Variants in ATP2C1 observed in about 807,000 individuals in gnomAD.
ATP2C1 encodes ATPase secretory pathway Ca2+ transporting 1, also known as calcium-transporting ATPase type 2C member 1.
A neutral mutation model predicts 120.5 loss-of-function variants in ATP2C1; 31 were observed. That is an observed-to-expected ratio of 0.26 (90% CI 0.19 to 0.35). The LOEUF is 0.35. Ranked by LOEUF, ATP2C1 falls within the 10% of genes least tolerant of loss-of-function variation. ATP2C1 has a pLI of 1.00. For missense variants in ATP2C1, 731 were observed against 1,107.5 expected (o/e 0.66, Z 4.83); for synonymous variants, 351 against 358.7 (o/e 0.98, Z 0.24).
intron 17 of ATP2C1, among the ~76,000 whole-genome samples, chr3:130,969,709 A>G (rs1229725798): frequency 6.6e-6 from 1 of 152,168 alleles, no homozygotes; most frequent in African/African-American, 2.4e-5. Flanking sequence ...CTTCTTCATG[A>G]CAGTTCCTTA....
At chr3:130,963,862 T>C (rs1486311591) in intron 12 of ATP2C1, 109 bp from the exon 13 acceptor site, 15 of 1,332,306 alleles carry the variant, frequency 1.1e-5, no homozygotes, top group Non-Finnish European at 1.6e-5. Context: ...TTTTAGGTAT[T>C]GACTATATTA....
intron 26 of ATP2C1, among the ~76,000 whole-genome samples, chr3:131,012,681 TGGTTGTTAGTAA>T (rs1402758340): frequency 2.0e-5 from 3 of 152,200 alleles, no homozygotes; most frequent in African/African-American, 7.2e-5. Flanking sequence ...TCTTTGGAGA[TGGTTGTTAGTAA>T]GGTTATAAAA....
chr3:130,911,716 A>C lies in ATP2C1; in HGVS notation c.6+16941A>C, dbSNP rs1459261320. On this transcript the variant is annotated intron_variant, in intron 2 of 27. Transcript: ENST00000510168. ...GATTCAGTGCCATCCCCATCAAGCT[A>C]CCGATGACTTTCTTCACAGAATTGG... 2.6e-5 allele frequency among the ~76,000 whole-genome samples: 4 copies of C among 152,166 alleles called. No individual in the cohort carries two copies. The East Asian group carries it at 5.8e-4, about 22-fold the overall frequency.
downstream of ATP2C1, chr3:131,003,199 T>C (rs1560041130): frequency 2.1e-6 from 2 of 966,752 alleles, no homozygotes; most frequent in Admixed American, 1.2e-4. Flanking sequence ...ATATGGATGC[T>C]GAAGATACAG....
rs536826701 is a variant in ATP2C1 at position 130,919,234 on chromosome 3, T to C, written c.7-11182T>C. The C allele has an allele frequency of 9.4e-4, 162 of 172,828 alleles. 3 individuals are homozygous for C. The highest frequency in any genetic ancestry group is 1.6e-3 in the African/African-American group (68 of 41,584). The allele number at this position is 172,828 out of a possible 1,614,324, so 10.7% of individuals were successfully genotyped here. On this transcript the variant is annotated intron_variant, in intron 2 of 27. Coordinates refer to ENST00000510168, the MANE Select transcript of ATP2C1 (RefSeq NM_001378687.1). ...TTAGAATTTCTTTCTTTCTTTCTTT[T>C]TTTTTTATTGAGAGAGTTTTGCTCT...
chr3:130,979,334 G>A lies in ATP2C1; in HGVS notation c.1656G>A (p.Val552=). ...TCATTGATCCACCTAGAACTGGTGTGAAAGAAGCTGTTACAACACTCATTG... is the reference window on the plus strand; with the variant it reads ...TCATTGATCCACCTAGAACTGGTGTAAAAGAAGCTGTTACAACACTCATTG... ...VGIIDPPRTG[V]KEAVTTLIAS... The change falls in exon 19 of 28, where the codon GTG becomes GTA. Residue 552 remains valine (V), a synonymous_variant. Transcript: ENST00000510168. 1.2e-6 allele frequency: 2 copies of A among 1,613,670 alleles called. No individual in the cohort carries two copies.
chr3:130,978,598 A>G (rs1272167327), intron 18 of ATP2C1, among the ~76,000 whole-genome samples: 2 of 152,242 alleles, frequency 1.3e-5, no homozygotes, highest in African/African-American at 4.8e-5. Flanking sequence ...CGTTATTTAC[A>G]TACTCTTAGA....
chr3:130,875,975 T>C (rs2068590215), intron 1 of ATP2C1, among the ~76,000 whole-genome samples: 1 of 152,064 alleles, frequency 6.6e-6, no homozygotes, highest in Non-Finnish European at 1.5e-5. Flanking sequence ...TGAGTTTTTT[T>C]TGGAGTTATT....
In ATP2C1 at chr3:130,918,287, T is replaced by A. The variant is rs1056034851; in HGVS notation, c.7-12129T>A. On this transcript the variant is annotated intron_variant, in intron 2 of 27. Coordinates refer to ENST00000510168, the MANE Select transcript of ATP2C1 (RefSeq NM_001378687.1). ...TCCCTTGGGCCCAAAGTTCTTTGCA[T>A]AGCACCCTTTACAATAGATTTCACC... is the stretch of plus-strand genomic sequence containing the variant. The A allele has an allele frequency of 1.9e-6, 3 of 1,551,398 alleles. No individual in the cohort carries two copies. In the African/African-American group the frequency reaches 4.1e-5, roughly 21 times the overall value.
intron 2 of ATP2C1, among the ~76,000 whole-genome samples, chr3:130,923,599 G>A (rs927989632): frequency 1.3e-5 from 2 of 151,954 alleles, no homozygotes; most frequent in Admixed American, 1.3e-4. Context: ...CGGAAGTGGT[G>A]GCTCACACCT....
Position 130,894,578 on chromosome 3 carries a change from T to G in ATP2C1, c.-180-12T>G. The G allele has an allele frequency of 6.9e-7, 1 of 1,452,056 alleles. No homozygotes were observed. Among genetic ancestry groups the G allele is most frequent in the Non-Finnish European group, 9.1e-7 (1 of 1,100,392 alleles). 89.9% of individuals were successfully genotyped at this position (1,452,056 alleles called of 1,614,324 possible). A position where few individuals can be genotyped will look rare whatever the true frequency, so the allele number is the denominator to read the frequency against. ...CTCTCGTCAGCGCCGCTTCTCCTGGTTTCTCTTGCAGATGCTGCTGCTAGG... is the reference window on the plus strand; with the variant it reads ...CTCTCGTCAGCGCCGCTTCTCCTGGGTTCTCTTGCAGATGCTGCTGCTAGG... On this transcript the variant is annotated splice_polypyrimidine_tract_variant and intron_variant, in intron 1 of 27. Transcript: ENST00000510168. The surrounding 1 kb of genome is among the most constrained non-coding windows in gnomAD (Gnocchi z 4.5).
At chr3:130,862,254 AT>A (rs2107724384) in intron 1 of ATP2C1, among the ~76,000 whole-genome samples, 1 of 151,140 alleles carries the variant, frequency 6.6e-6, no homozygotes, top group African/African-American at 2.4e-5. Context: ...AAGTGCTGGG[AT>A]TATAGGCATG....
In ATP2C1 at chr3:131,002,351, A is replaced by G. The variant is rs1211888653; in HGVS notation, c.*1001A>G. On this transcript the variant is annotated 3_prime_UTR_variant, in exon 28 of 28. Transcript: ENST00000510168. ...CTGGACTTAGAATAAAAAGTCCCCA[A>G]ACCCAAACAAATGGTTTATGAACCA... 2 of 985,212 alleles carry G rather than the reference A, an allele frequency of 2.0e-6. No homozygotes were observed. Among genetic ancestry groups the G allele is most frequent in the Non-Finnish European group, 2.4e-6 (2 of 829,848 alleles). The allele number at this position is 985,212 out of a possible 1,614,324, so 61.0% of individuals were successfully genotyped here. A position where few individuals can be genotyped will look rare whatever the true frequency, so the allele number is the denominator to read the frequency against.
Position 131,002,509 on chromosome 3 carries a change from T to C in ATP2C1, c.*1159T>C, listed in dbSNP as rs986062125. ...TGTTCTGTACCTTCTTTTTGTTTCA[T>C]TGGGCATGCTAGGGAAATAGGTGGA... On this transcript the variant is annotated 3_prime_UTR_variant, in exon 28 of 28. Transcript: ENST00000510168. The C allele has an allele frequency of 2.8e-5, 28 of 985,320 alleles. No homozygotes were observed. Among genetic ancestry groups the C allele is most frequent in the Non-Finnish European group, 3.4e-5 (28 of 829,942 alleles). The allele number at this position is 985,320 out of a possible 1,614,324, so 61.0% of individuals were successfully genotyped here.
At chr3:130,987,456 G>A (rs1261089364) in intron 20 of ATP2C1, among the ~76,000 whole-genome samples, 1 of 152,050 alleles carries the variant, frequency 6.6e-6, no homozygotes, top group Non-Finnish European at 1.5e-5. Context: ...TCAGTCTCCT[G>A]AGTAGCTGGG....
chr3:130,896,569 G>A (rs1291695464), intron 2 of ATP2C1, among the ~76,000 whole-genome samples: 1 of 152,066 alleles, frequency 6.6e-6, no homozygotes, highest in Non-Finnish European at 1.5e-5. Context: ...TACATAGATT[G>A]ATACCTGTGC....
intron 12 of ATP2C1, among the ~76,000 whole-genome samples, chr3:130,959,869 A>G (rs2060744862): frequency 6.6e-6 from 1 of 152,100 alleles, no homozygotes; most frequent in African/African-American, 2.4e-5. Context: ...ATATAAATTC[A>G]AAGAGGTCTC....
At chr3:130,942,840 C>T (rs2059981169) in intron 8 of ATP2C1, among the ~76,000 whole-genome samples, 2 of 152,074 alleles carry the variant, frequency 1.3e-5, no homozygotes, top group African/African-American at 4.8e-5. Context: ...AATTATTCTT[C>T]CTCAGAGATT....
downstream of ATP2C1, among the ~76,000 whole-genome samples, chr3:131,003,446 G>A (rs952602925): frequency 1.3e-5 from 2 of 152,094 alleles, no homozygotes; most frequent in African/African-American, 2.4e-5. Flanking sequence ...GTTTTTCCCT[G>A]TTAGACTACC....
Sources: allele counts gnomAD v4.1 joint callset (sites outside exome capture counted in the v4.1 genomes callset), GRCh38; gene constraint gnomAD v4.1.1; non-coding constraint Gnocchi (gnomAD v3.1); transcripts MANE v1.5; gene names NCBI Gene and HGNC (gene_info 2026-07-23, HGNC 2026-07-21).